MSH3: variants seen among roughly 807,000 people sequenced by gnomAD.
MSH3 encodes the protein DNA mismatch repair protein Msh3.
Under a neutral mutation model 123.3 loss-of-function variants are expected in MSH3, and 106 were observed. That is an observed-to-expected ratio of 0.86 (90% confidence interval 0.73 to 1.01). The LOEUF (loss-of-function observed/expected upper bound fraction) is 1.01. Ranked by LOEUF, MSH3 falls within the 50% of genes least tolerant of loss-of-function variation. The pLI is 0.00. For synonymous variants in MSH3, 515 were observed against 481.4 expected, an observed-to-expected ratio of 1.07 and a Z score of -0.91; for missense variants, 1,459 against 1,347.6, an observed-to-expected ratio of 1.08 and a Z score of -1.29.
At chr5:80,743,059 C>T (rs887328092) in intron 11 of MSH3, among the ~76,000 whole-genome samples, 1 of 152,046 alleles carries the variant, frequency 6.6e-6, no homozygotes, top group African/African-American at 2.4e-5. Context: ...TCACCCCCAC[C>T]GCCCCTCGCC....
chr5:80,711,564 A>G (rs568698773), intron 8 of MSH3, among the ~76,000 whole-genome samples: 37 of 152,212 alleles, frequency 2.4e-4, no homozygotes, highest in Non-Finnish European at 3.8e-4. Context: ...AGGGGCTGCC[A>G]TCCTTCTAAG....
chr5:80,755,436 T>C (rs1743909308), intron 12 of MSH3, among the ~76,000 whole-genome samples: 1 of 152,188 alleles, frequency 6.6e-6, no homozygotes, highest in Non-Finnish European at 1.5e-5. Flanking sequence ...TTTTTGGCCC[T>C]TCCTGCTTTA....
chr5:80,818,798 A>G (rs1404981969), intron 20 of MSH3, among the ~76,000 whole-genome samples: 1 of 152,236 alleles, frequency 6.6e-6, no homozygotes, highest in Non-Finnish European at 1.5e-5. Context: ...TTGGCCATGA[A>G]TTGATCATTG....
chr5:80,688,634 GACT>G (rs1289611672), intron 8 of MSH3, among the ~76,000 whole-genome samples: 2 of 151,778 alleles, frequency 1.3e-5, no homozygotes, highest in Non-Finnish European at 3.0e-5. Context: ...ATAACTGTGA[GACT>G]ATATAATTAT....
chr5:80,675,105 G>A lies in MSH3; in HGVS notation c.1150G>A (p.Gly384Ser), dbSNP rs1749811506. The change falls in exon 7 of 24, where the codon GGC becomes AGC. Residue 384 changes from glycine to serine, a missense_variant. Transcript: ENST00000265081. The part of the protein sequence containing the change: ...NKENVRDKKK[G>S]NIFIGIVGVQ... ...GGAAAATGTTAGGGACAAAAAAAAG[G>A]GCAACATTTTTATTGGCATTGTGGT... 1.9e-6 allele frequency: 3 copies of A among 1,613,692 alleles called. No individual in the cohort carries two copies. The highest frequency in any genetic ancestry group is 1.7e-6 in the Non-Finnish European group (2 of 1,179,862).
intron 20 of MSH3, among the ~76,000 whole-genome samples, chr5:80,819,660 T>C (rs552320883): frequency 2.6e-5 from 4 of 151,832 alleles, no homozygotes; most frequent in Non-Finnish European, 5.9e-5. Context: ...CTAATTTTTG[T>C]ATTTTTAGTA....
chr5:80,823,363 C>CT (rs1314179708), intron 20 of MSH3, among the ~76,000 whole-genome samples: 6 of 152,148 alleles, frequency 3.9e-5, no homozygotes, highest in East Asian at 3.8e-4. Context: ...TCTGACAACT[C>CT]TTTTTTTCTG....
chr5:80,709,621 A>G lies in MSH3; in HGVS notation c.1341-15832A>G, dbSNP rs138853495. 9.5e-3 allele frequency among the ~76,000 whole-genome samples: 1,448 copies of G among 152,210 alleles called. 10 individuals are homozygous for G. The highest frequency in any genetic ancestry group is 0.014 in the Non-Finnish European group (930 of 67,994). On this transcript the variant is annotated intron_variant, in intron 8 of 23. Transcript: ENST00000265081. ...CACTCCAGCCTGGGCGACAGAGTGAAACTCCGTCTCAAAAAAAGAAAAAAA... is the reference window on the plus strand; with the variant it reads ...CACTCCAGCCTGGGCGACAGAGTGAGACTCCGTCTCAAAAAAAGAAAAAAA...
rs761147959 is a variant in MSH3, at chr5:80,665,242, C to T, written c.458C>T (p.Thr153Ile). The T allele has an allele frequency of 1.2e-6, 2 of 1,614,032 alleles. No individual in the cohort carries two copies. The highest frequency in any genetic ancestry group is 1.7e-6 in the Non-Finnish European group (2 of 1,179,944). ...DSALPQSRVQ[T>I]ESLQERFAVL... is the part of the protein sequence containing the mutation. The stretch of plus-strand genomic sequence containing the variant: ...GCCCTTCCTCAAAGTAGAGTCCAGA[C>T]AGAATCTCTGCAGGAGAGATTTGCA... The change falls in exon 3 of 24, where the codon ACA (threonine) becomes ATA (isoleucine). Residue 153 changes from threonine to isoleucine, a missense_variant. Physicochemically the swap from Thr to Ile is moderately conservative, Grantham distance 89 (BLOSUM62 -1). Transcript: ENST00000265081.
rs35009542 is a variant in MSH3, at chr5:80,725,506, A to G, written c.1394A>G (p.Tyr465Cys). 537 of 1,613,960 alleles carry G rather than the reference A, an allele frequency of 3.3e-4. No individual in the cohort carries two copies. The highest frequency in any genetic ancestry group is 4.3e-4 in the Non-Finnish European group (509 of 1,179,976). ...VERMDNIYFE[Y>C]SHAFQAVTEF... ...AGGATGGATAACATTTATTTTGAATACAGCCATGCTTTCCAGGCAGTTACA... is the reference window on the plus strand; with the variant it reads ...AGGATGGATAACATTTATTTTGAATGCAGCCATGCTTTCCAGGCAGTTACA... The change falls in exon 9 of 24, where the codon TAC becomes TGC. Residue 465 changes from tyrosine (Y) to cysteine (C), a missense_variant. Tyr to Cys is a radical substitution (Grantham distance 194). Coordinates refer to ENST00000265081, the MANE Select transcript of MSH3 (RefSeq NM_002439.5).
At chr5:80,788,703 G>A (rs1169003802) in intron 18 of MSH3, among the ~76,000 whole-genome samples, 1 of 151,518 alleles carries the variant, frequency 6.6e-6, no homozygotes, top group Non-Finnish European at 1.5e-5. Flanking sequence ...CCAGCTGCTT[G>A]GGACACTGAG....
At chr5:80,692,649 TAG>T (rs1427049218) in intron 8 of MSH3, among the ~76,000 whole-genome samples, 8 of 134,362 alleles carry the variant, frequency 6.0e-5, no homozygotes, top group African/African-American at 9.1e-5. Context: ...TATGTTTATA[TAG>T]ATATATATAT....
intron 20 of MSH3, among the ~76,000 whole-genome samples, chr5:80,849,191 C>T (rs552749841): frequency 6.6e-6 from 1 of 152,306 alleles, no homozygotes; most frequent in East Asian, 1.9e-4. Flanking sequence ...GAGGTGGGTT[C>T]CCATGGTCTT....
intron 8 of MSH3, among the ~76,000 whole-genome samples, chr5:80,701,948 A>G (rs936308581): frequency 3.3e-5 from 5 of 152,058 alleles, no homozygotes; most frequent in Non-Finnish European, 5.9e-5. Flanking sequence ...GAGGCCTGGT[A>G]TGGTTTTTCT....
chr5:80,710,184 T>C (rs1489736380), intron 8 of MSH3, among the ~76,000 whole-genome samples: 1 of 152,232 alleles, frequency 6.6e-6, no homozygotes. Flanking sequence ...GCTGTTATTT[T>C]ATTACGGGTT....
chr5:80,668,487 T>C (rs1194995993), intron 3 of MSH3, among the ~76,000 whole-genome samples: 1 of 152,136 alleles, frequency 6.6e-6, no homozygotes, highest in Non-Finnish European at 1.5e-5. Flanking sequence ...CCTTCCCATG[T>C]TCATCAGTGT....
intron 17 of MSH3, among the ~76,000 whole-genome samples, chr5:80,785,115 A>C (rs1473361879): frequency 6.6e-6 from 1 of 152,198 alleles, no homozygotes; most frequent in African/African-American, 2.4e-5. Flanking sequence ...GCACTGTAGA[A>C]ATCTTTGGAT....
intron 8 of MSH3, among the ~76,000 whole-genome samples, chr5:80,704,904 A>G (rs1580574572): frequency 6.6e-6 from 1 of 152,128 alleles, no homozygotes; most frequent in Admixed American, 6.5e-5. Context: ...TCACAACCCC[A>G]TACAGTGAGA....
At chr5:80,864,344 C>G (rs1054969203) in intron 21 of MSH3, among the ~76,000 whole-genome samples, 1 of 151,700 alleles carries the variant, frequency 6.6e-6, no homozygotes, top group Non-Finnish European at 1.5e-5. Context: ...TATTCCTGTA[C>G]GAAAGGATAC....
Sources: allele counts gnomAD v4.1 joint callset (sites outside exome capture counted in the v4.1 genomes callset), GRCh38; gene constraint gnomAD v4.1.1; transcripts MANE v1.5; gene names NCBI Gene and HGNC (gene_info 2026-07-23, HGNC 2026-07-21).